The following ARHGAP5 variants were observed in gnomAD, a reference collection of about 807,000 sequenced individuals.
ARHGAP5 encodes Rho GTPase activating protein 5.
In ARHGAP5, 23 loss-of-function variants were observed where a neutral mutation model predicts 116.6. The ratio of observed to expected loss-of-function variants is 0.20; its 90% CI spans 0.14 to 0.28. ARHGAP5 has a LOEUF of 0.28. Ranked by LOEUF, ARHGAP5 falls within the 10% of genes least tolerant of loss-of-function variation. The pLI is 1.00. For missense variants in ARHGAP5, 1,405 were observed against 1,774.8 expected (o/e 0.79, Z 3.74); for synonymous variants, 574 against 602.0 (o/e 0.95, Z 0.68).
chr14:32,094,413 TTTATAAAAA>T, intron 2 of ARHGAP5, 27 bp downstream of exon 2: 2 of 1,493,618 alleles, frequency 1.3e-6, no homozygotes, highest in Non-Finnish European at 1.8e-6. Context: ...GTCAGTGATG[TTTATAAAAA>T]TGCTTGTTGT....
chr14:32,086,844 C>T (rs1416530640), intron 1 of ARHGAP5, among the ~76,000 whole-genome samples: 1 of 150,440 alleles, frequency 6.6e-6, no homozygotes, highest in Non-Finnish European at 1.5e-5. Flanking sequence ...TAAGATTATC[C>T]TAAAGACAAT....
intron 2 of ARHGAP5, among the ~76,000 whole-genome samples, chr14:32,102,196 T>G (rs961378838): frequency 1.3e-5 from 2 of 152,250 alleles, no homozygotes; most frequent in African/African-American, 4.8e-5. Context: ...CTTGAAAACA[T>G]CCCCTTAGGG....
intron 6 of ARHGAP5, among the ~76,000 whole-genome samples, chr14:32,153,420 A>G (rs1258343561): frequency 8.1e-6 from 1 of 123,298 alleles, no homozygotes; most frequent in Non-Finnish European, 1.6e-5. Context: ...AAAAAAAAAA[A>G]AAAAAAAAAA....
At chr14:32,144,378 A>G (rs1881274265) in intron 3 of ARHGAP5, among the ~76,000 whole-genome samples, 1 of 151,856 alleles carries the variant, frequency 6.6e-6, no homozygotes, top group Non-Finnish European at 1.5e-5. Flanking sequence ...TATTATTATT[A>G]TTATTATTTT....
chr14:32,077,577 A>G (rs2041720297), intron 1 of ARHGAP5, 142 bp downstream of exon 1: 1 of 552,580 alleles, frequency 1.8e-6, no homozygotes, highest in Non-Finnish European at 3.2e-6. Flanking sequence ...CGCCGAGGGG[A>G]GCCTGGCGCT....
chr14:32,131,300 AT>A (rs1263542416), intron 3 of ARHGAP5, among the ~76,000 whole-genome samples: 1 of 109,722 alleles, frequency 9.1e-6, no homozygotes, highest in Non-Finnish European at 2.0e-5. Context: ...TTATTTTTGC[AT>A]TTCTAAGATT....
intron 2 of ARHGAP5, among the ~76,000 whole-genome samples, chr14:32,113,664 T>C (rs1018916026): frequency 2.6e-5 from 4 of 152,256 alleles, no homozygotes; most frequent in African/African-American, 9.6e-5. Flanking sequence ...TATTCAGGGC[T>C]GTCTGGATAA....
chr14:32,141,852 A>G (rs1353078484), intron 3 of ARHGAP5, among the ~76,000 whole-genome samples: 1 of 151,978 alleles, frequency 6.6e-6, no homozygotes, highest in African/African-American at 2.4e-5. Context: ...TCTAACCTCC[A>G]TGGTTTCTGA....
In ARHGAP5 at chr14:32,157,694, T is replaced by C. The variant is rs1229135755; in HGVS notation, c.*2746T>C. ...ATTTTTTTTAAATGGTATTTGTTAG[T>C]AGTGCTTCTTCCCCTTAACATTTAC... On this transcript the variant is annotated 3_prime_UTR_variant, in exon 7 of 7. Coordinates refer to ENST00000345122, the MANE Select transcript of ARHGAP5 (RefSeq NM_001030055.2). 1 of 151,806 alleles carries C rather than the reference T, an allele frequency of 6.6e-6. No individual in the cohort carries two copies. The highest frequency in any genetic ancestry group is 1.9e-4 in the East Asian group (1 of 5,202). The allele number at this position is 151,806 out of a possible 1,614,324, so 9.4% of individuals were successfully genotyped here.
chr14:32,140,087 G>GTTTTTTTT (rs1881028802), intron 3 of ARHGAP5, among the ~76,000 whole-genome samples: 2 of 29,854 alleles, frequency 6.7e-5, no homozygotes, highest in African/African-American at 1.5e-4. Flanking sequence ...TTTTTTTTAG[G>GTTTTTTTT]TTATTTGTTC....
chr14:32,147,812 AAC>A (rs1444447172), intron 4 of ARHGAP5, among the ~76,000 whole-genome samples: 1 of 152,202 alleles, frequency 6.6e-6, no homozygotes, highest in Non-Finnish European at 1.5e-5. Flanking sequence ...TGTATACAAA[AAC>A]ACACCTTGTT....
At chr14:32,115,762 G>T (rs142689924) in intron 2 of ARHGAP5, among the ~76,000 whole-genome samples, 18 of 150,032 alleles carry the variant, frequency 1.2e-4, no homozygotes, top group Middle Eastern at 7.1e-3. Flanking sequence ...ATGAGGTCAG[G>T]AGTTCGAGAC....
Position 32,092,657 on chromosome 14 carries a change from A to G in ARHGAP5, c.1988A>G (p.Asn663Ser), listed in dbSNP as rs1351756541. 3.1e-6 allele frequency: 5 copies of G among 1,613,920 alleles called. No individual in the cohort carries two copies. Among genetic ancestry groups the G allele is most frequent in the Non-Finnish European group, 4.2e-6 (5 of 1,179,914 alleles). Reference sequence around the variant, plus strand: ...CCACATGGGTGCTTCTGTGTATTTAATTCCATTGAGTCATTGAGTTTTATT... The same window carrying G: ...CCACATGGGTGCTTCTGTGTATTTAGTTCCATTGAGTCATTGAGTTTTATT... ...FKPHGCFCVF[N>S]SIESLSFIGE... Residue 663 changes from asparagine (N) to serine (S), a missense_variant, in exon 2 of 7, where the codon AAT becomes AGT. Asn to Ser is a conservative substitution (Grantham distance 46). Around this residue, in one of 6 missense-constraint regions of ARHGAP5, gnomAD observed 944 missense variants for 1,095.3 expected, o/e 0.86. Coordinates refer to ENST00000345122, the MANE Select transcript of ARHGAP5 (RefSeq NM_001030055.2). This position sits in a 1 kb window ranked among gnomAD's most constrained non-coding sequence, Gnocchi z 4.1.
Position 32,091,752 on chromosome 14 carries a change from G to T in ARHGAP5, c.1083G>T (p.Trp361Cys). ...TAGAAGAGATTGAACATTTGAATTG[G>T]TCAGAAGCTTTGAAGTTAATGGAAA... is the stretch of plus-strand genomic sequence containing the variant. Reference protein sequence around the residue: ...PNLEEIEHLNWSEALKLMEKR... With the variant: ...PNLEEIEHLNCSEALKLMEKR... The change falls in exon 2 of 7, where the codon TGG becomes TGT. Residue 361 changes from tryptophan to cysteine, a missense_variant. Physicochemically the swap from Trp to Cys is radical, Grantham distance 215. Coordinates refer to ENST00000345122, the MANE Select transcript of ARHGAP5 (RefSeq NM_001030055.2). The T allele has an allele frequency of 6.2e-7, 1 of 1,613,584 alleles. No individual in the cohort carries two copies. The highest frequency in any genetic ancestry group is 8.5e-7 in the Non-Finnish European group (1 of 1,179,640).
intron 1 of ARHGAP5, among the ~76,000 whole-genome samples, chr14:32,085,017 CAG>C (rs1439151435): frequency 6.8e-6 from 1 of 147,496 alleles, no homozygotes; most frequent in Non-Finnish European, 1.5e-5. Flanking sequence ...AAAAAAAAGA[CAG>C]ATTATGGGAT....
chr14:32,138,823 A>G (rs547895714), intron 3 of ARHGAP5, among the ~76,000 whole-genome samples: 1 of 152,324 alleles, frequency 6.6e-6, no homozygotes, highest in African/African-American at 2.4e-5. Context: ...GCTAATAAGT[A>G]TATAGCTCTG....
At chr14:32,097,541 A>G in intron 2 of ARHGAP5, among the ~76,000 whole-genome samples, 1 of 152,196 alleles carries the variant, frequency 6.6e-6, no homozygotes, top group Non-Finnish European at 1.5e-5. Flanking sequence ...AAATGAGGAA[A>G]TACATTCCCT....
chr14:32,153,406 C>CAAAAA lies in ARHGAP5; in HGVS notation c.4181+914_4181+918dup, dbSNP rs771660350. On this transcript the variant is annotated intron_variant, in intron 6 of 6. Coordinates refer to ENST00000345122, the MANE Select transcript of ARHGAP5 (RefSeq NM_001030055.2). ...TGGCCAACAGAGCAAGACTCTGTCT[C>CAAAAA]AAAAAAAAAAAAAAAAAAAAAAAAA... Among the ~76,000 whole-genome samples, 39 of 15,164 alleles carry CAAAAA rather than the reference C, an allele frequency of 2.6e-3. 6 individuals are homozygous for CAAAAA. The highest frequency in any genetic ancestry group is 4.0e-3 in the Non-Finnish European group (28 of 6,964). 9.9% of individuals were successfully genotyped at this position (15,164 alleles called of 152,430 possible). A position where few individuals can be genotyped will look rare whatever the true frequency, so the allele number is the denominator to read the frequency against.
chr14:32,133,952 A>T (rs1880649294), intron 3 of ARHGAP5, among the ~76,000 whole-genome samples: 1 of 152,142 alleles, frequency 6.6e-6, no homozygotes, highest in South Asian at 2.1e-4. Flanking sequence ...AAAAGAGGGA[A>T]TCCTCCCTAA....
Sources: allele counts gnomAD v4.1 joint callset (sites outside exome capture counted in the v4.1 genomes callset), GRCh38; gene constraint gnomAD v4.1.1; regional missense constraint gnomAD v4.1.1; non-coding constraint Gnocchi (gnomAD v3.1); transcripts MANE v1.5; gene names NCBI Gene and HGNC (gene_info 2026-07-23, HGNC 2026-07-21).